The following CCDC178 variants were observed in gnomAD, a reference collection of about 807,000 sequenced individuals.
CCDC178 encodes coiled-coil domain containing 178.
In CCDC178, 126 loss-of-function variants were observed where a neutral mutation model predicts 117.4. The ratio of observed to expected loss-of-function variants is 1.07; its 90% confidence interval spans 0.93 to 1.24. The LOEUF (loss-of-function observed/expected upper bound fraction) is 1.24. Ranked by LOEUF, CCDC178 falls within the 50% of genes most tolerant of loss-of-function variation. The probability of loss-of-function intolerance (pLI) is 0.00; values close to 1 mark genes in which losing one functional copy is unlikely to be tolerated. For missense variants in CCDC178, 1,030 were observed against 986.9 expected, an observed-to-expected ratio of 1.04 and a Z score of -0.59; for synonymous variants, 283 against 313.4, an observed-to-expected ratio of 0.90 and a Z score of 1.02.
At chr18:33,117,722 TA>T (rs113708321) in intron 20 of CCDC178, among the ~76,000 whole-genome samples, 10,733 of 143,582 alleles carry the variant, frequency 0.075, 509 homozygotes, top group African/African-American at 0.14. Context: ...AAAGTATAAT[TA>T]AAAAAAAAAA....
At chr18:33,010,468 AAAC>A (rs997804809) in intron 21 of CCDC178, among the ~76,000 whole-genome samples, 4 of 152,326 alleles carry the variant, frequency 2.6e-5, no homozygotes, top group African/African-American at 7.2e-5. Flanking sequence ...ATTTGTGCAC[AAAC>A]AACAATGTTT....
chr18:33,373,908 C>G (rs920776758), intron 5 of CCDC178, among the ~76,000 whole-genome samples: 1 of 152,108 alleles, frequency 6.6e-6, no homozygotes, highest in Admixed American at 6.6e-5. Context: ...GGAATTAGTT[C>G]TCCAGTTATA....
chr18:33,144,305 T>G (rs1036438728), intron 20 of CCDC178, among the ~76,000 whole-genome samples: 1 of 152,124 alleles, frequency 6.6e-6, no homozygotes, highest in Non-Finnish European at 1.5e-5. Flanking sequence ...GTGATTTTAC[T>G]TTGCTTTCCT....
intron 21 of CCDC178, among the ~76,000 whole-genome samples, chr18:33,017,106 A>C (rs1379796933): frequency 1.3e-5 from 2 of 151,932 alleles, no homozygotes; most frequent in Admixed American, 1.3e-4. Flanking sequence ...TACATGGAGA[A>C]ATTAGGCTGG....
chr18:33,160,655 G>A (rs759210939), intron 20 of CCDC178, among the ~76,000 whole-genome samples: 2 of 152,046 alleles, frequency 1.3e-5, no homozygotes, highest in Non-Finnish European at 2.9e-5. Flanking sequence ...CTAGTTAAAG[G>A]TCAACATCAT....
intron 20 of CCDC178, among the ~76,000 whole-genome samples, chr18:33,119,173 C>A (rs866216280): frequency 1.9e-4 from 29 of 152,098 alleles, no homozygotes; most frequent in South Asian, 1.9e-3. Flanking sequence ...GCAACAAAAG[C>A]CAAAATTGAC....
chr18:33,314,656 C>T (rs1370483137), intron 11 of CCDC178, among the ~76,000 whole-genome samples: 1 of 152,164 alleles, frequency 6.6e-6, no homozygotes, highest in Admixed American at 6.5e-5. Context: ...AAATTACCTT[C>T]ACTGTCGGAT....
intron 15 of CCDC178, among the ~76,000 whole-genome samples, chr18:33,240,374 G>A (rs1006711301): frequency 1.3e-5 from 2 of 151,118 alleles, no homozygotes; most frequent in Non-Finnish European, 3.0e-5. Context: ...TAATAAAGAT[G>A]AAAGCAGAAA....
chr18:32,973,655 A>G (rs2054974420), intron 22 of CCDC178, among the ~76,000 whole-genome samples: 3 of 152,134 alleles, frequency 2.0e-5, no homozygotes, highest in African/African-American at 7.2e-5. Flanking sequence ...ATAGCTATTC[A>G]AGTGCTTTGC....
intron 14 of CCDC178, 68 bp downstream of exon 14, chr18:33,266,848 T>C (rs2059822146): frequency 2.2e-6 from 3 of 1,337,264 alleles, no homozygotes; most frequent in Non-Finnish European, 3.0e-6. Context: ...GGACACAAAC[T>C]GGAGAGGTTT....
At chr18:33,167,866 CTAAATAAATAAA>C (rs34929402) in intron 20 of CCDC178, among the ~76,000 whole-genome samples, 73 of 148,728 alleles carry the variant, frequency 4.9e-4, no homozygotes, top group African/African-American at 1.3e-3. Flanking sequence ...GACTCTGTCT[CTAAATAAATAAA>C]TAAATAAATA....
At chr18:32,975,641 T>C (rs2055015008) in intron 21 of CCDC178, among the ~76,000 whole-genome samples, 1 of 152,240 alleles carries the variant, frequency 6.6e-6, no homozygotes, top group African/African-American at 2.4e-5. Context: ...CATATGTTTA[T>C]ACAATATAAT....
rs1026051802 is a variant in CCDC178, at chr18:33,154,259, G to C, written c.2238+57637C>G. The stretch of plus-strand genomic sequence containing the variant: ...ATTCTTGTTGACTCAGCTTTTTCTT[G>C]GAAGACACCTAGCAGTCAGAACAAA... On this transcript the variant is annotated intron_variant, in intron 20 of 22. Transcript: ENST00000383096. 9.9e-5 allele frequency among the ~76,000 whole-genome samples: 15 copies of C among 152,160 alleles called. No individual in the cohort carries two copies. In the East Asian group the frequency reaches 2.9e-3, roughly 29 times the overall value.
intron 3 of CCDC178, among the ~76,000 whole-genome samples, chr18:33,403,303 T>G (rs2063735146): frequency 6.6e-6 from 1 of 152,124 alleles, no homozygotes; most frequent in African/African-American, 2.4e-5. Context: ...TTAAGCCAAC[T>G]GGATAGAGAT....
chr18:33,369,529 A>G (rs1020984441), intron 6 of CCDC178, among the ~76,000 whole-genome samples: 1 of 152,030 alleles, frequency 6.6e-6, no homozygotes. Flanking sequence ...TCATTCTTAA[A>G]TCATCCTTTG....
intron 20 of CCDC178, among the ~76,000 whole-genome samples, chr18:33,192,121 C>T (rs754705823): frequency 1.1e-4 from 16 of 152,136 alleles, no homozygotes; most frequent in Non-Finnish European, 2.2e-4. Context: ...AAAACAGTCG[C>T]TTCCTCCATG....
intron 21 of CCDC178, among the ~76,000 whole-genome samples, chr18:33,000,128 A>G (rs867613789): frequency 6.6e-6 from 1 of 152,236 alleles, no homozygotes; most frequent in South Asian, 2.1e-4. Context: ...CCTATCAAAA[A>G]TATTTAACAA....
chr18:33,197,838 G>A (rs543119400), intron 20 of CCDC178, among the ~76,000 whole-genome samples: 2 of 152,168 alleles, frequency 1.3e-5, no homozygotes, highest in South Asian at 2.1e-4. Flanking sequence ...TCCATAAAGT[G>A]TGTTTCACAT....
intron 10 of CCDC178, among the ~76,000 whole-genome samples, chr18:33,326,570 T>C (rs1440568294): frequency 2.0e-5 from 3 of 152,204 alleles, no homozygotes; most frequent in African/African-American, 7.2e-5. Context: ...TGTGGGACCT[T>C]AATTTATATT....
Sources: gnomAD v4.1 joint callset for allele counts (sites outside exome capture counted in the v4.1 genomes callset) on GRCh38, gnomAD v4.1.1 for gene constraint, MANE v1.5 for transcripts, NCBI Gene and HGNC (gene_info 2026-07-23, HGNC 2026-07-21) for gene names.